Variants in STMN2 observed in about 807,000 individuals in gnomAD.
STMN2 encodes the protein stathmin 2, also known as stathmin-2.
STMN2 carries 2 observed loss-of-function variants against 24.1 expected under a neutral mutation model. That is an observed-to-expected ratio of 0.08 (90% CI 0.03 to 0.26). STMN2 has a LOEUF of 0.26. Ranked by LOEUF, STMN2 falls within the 10% of genes least tolerant of loss-of-function variation. STMN2 has a pLI of 1.00. For synonymous variants in STMN2, 83 were observed against 77.5 expected (o/e 1.07, Z -0.37); for missense variants, 114 against 213.6 (o/e 0.53, Z 2.91).
intron 1 of STMN2, among the ~76,000 whole-genome samples, chr8:79,624,453 C>CAAAAAAAAAAAAAA (rs1011493193): frequency 4.2e-4 from 19 of 45,116 alleles, no homozygotes; most frequent in Non-Finnish European, 6.4e-4. Context: ...GACTCCGTCT[C>CAAAAAAAAAAAAAA]AAAAAAAAAA....
At chr8:79,648,292 A>G (rs754347782) in intron 3 of STMN2, among the ~76,000 whole-genome samples, 8 of 152,310 alleles carry the variant, frequency 5.3e-5, no homozygotes, top group Non-Finnish European at 1.2e-4. Context: ...TTACTCTACA[A>G]TAAAGACATA....
chr8:79,659,596 T>G (rs1002190179), intron 4 of STMN2, among the ~76,000 whole-genome samples: 2 of 152,228 alleles, frequency 1.3e-5, no homozygotes, highest in Non-Finnish European at 2.9e-5. Context: ...GTGAGACAGT[T>G]AGTTTTGAAA....
intron 1 of STMN2, 69 bp from the exon 2 acceptor site, chr8:79,636,733 A>T: frequency 1.4e-6 from 2 of 1,408,366 alleles, no homozygotes; most frequent in Non-Finnish European, 2.0e-6. Context: ...TTATTATTCA[A>T]ATTAAAGGAA....
intron 4 of STMN2, among the ~76,000 whole-genome samples, chr8:79,656,848 C>T (rs1806383149): frequency 6.6e-6 from 1 of 152,040 alleles, no homozygotes; most frequent in Non-Finnish European, 1.5e-5. Flanking sequence ...TTACACATAC[C>T]CAAACACACG....
At chr8:79,617,752 C>T (rs1809417091) in intron 1 of STMN2, among the ~76,000 whole-genome samples, 1 of 152,236 alleles carries the variant, frequency 6.6e-6, no homozygotes, top group Non-Finnish European at 1.5e-5. Flanking sequence ...AAACATTTTC[C>T]CGCAATGGTG....
chr8:79,640,844 G>A (rs894133884), intron 2 of STMN2, among the ~76,000 whole-genome samples: 4 of 152,140 alleles, frequency 2.6e-5, no homozygotes, highest in East Asian at 1.9e-4. Context: ...TGGTTCTAAC[G>A]AAGCTCCTGT....
In STMN2 at chr8:79,611,191, C is replaced by T; in HGVS notation, c.-5C>T. ...GCCACTGCTCAGCGTCTGCACATCC[C>T]TACAATGGCTAAAACAGCAATGGGT... On this transcript the variant is annotated 5_prime_UTR_variant, in exon 1 of 5. Coordinates refer to ENST00000220876, the MANE Select transcript of STMN2 (RefSeq NM_007029.4). The T allele has an allele frequency of 6.2e-7, 1 of 1,614,112 alleles. No individual in the cohort carries two copies. Among genetic ancestry groups the T allele is most frequent in the Non-Finnish European group, 8.5e-7 (1 of 1,180,040 alleles).
rs556055897 is a variant in STMN2, at chr8:79,642,773, C to A, written c.288+1223C>A. Among the ~76,000 whole-genome samples, 5 of 151,472 alleles carry A rather than the reference C, an allele frequency of 3.3e-5. No individual in the cohort carries two copies. In the East Asian group the frequency reaches 9.7e-4, roughly 29 times the overall value. On this transcript the variant is annotated intron_variant, in intron 3 of 4. Transcript: ENST00000220876. Reference sequence around the variant, plus strand: ...ATTAAATTTTCTAAACAAGAAAACACTAATCTTTGTAGTTGAAAAAAAATC... The same window carrying A: ...ATTAAATTTTCTAAACAAGAAAACAATAATCTTTGTAGTTGAAAAAAAATC...
chr8:79,631,402 T>C, intron 1 of STMN2: 1 of 983,846 alleles, frequency 1.0e-6, no homozygotes, highest in Non-Finnish European at 1.2e-6. Context: ...AAAACCTCCC[T>C]GGCTTAGAAA....
At chr8:79,619,810 T>C (rs1381877574) in intron 1 of STMN2, among the ~76,000 whole-genome samples, 1 of 152,196 alleles carries the variant, frequency 6.6e-6, no homozygotes, top group Non-Finnish European at 1.5e-5. Flanking sequence ...TTACCAAAGT[T>C]GTTCTAGTCT....
intron 4 of STMN2, among the ~76,000 whole-genome samples, chr8:79,657,215 A>C (rs1806396387): frequency 6.6e-6 from 1 of 152,084 alleles, no homozygotes; most frequent in African/African-American, 2.4e-5. Flanking sequence ...ATAGTTCAAA[A>C]ATTTTCCATA....
chr8:79,611,827 CCG>C, intron 1 of STMN2: 1 of 617,690 alleles, frequency 1.6e-6, no homozygotes, highest in Non-Finnish European at 2.0e-6. Context: ...GGTAGGACCT[CCG>C]CTCCTTTGTT....
intron 4 of STMN2, among the ~76,000 whole-genome samples, chr8:79,660,894 A>G (rs569005042): frequency 1.3e-5 from 2 of 151,966 alleles, no homozygotes; most frequent in East Asian, 1.9e-4. Context: ...ATGAGAACAT[A>G]TGATAGTTAG....
At chr8:79,620,943 G>C in intron 1 of STMN2, 1 of 985,158 alleles carries the variant, frequency 1.0e-6, no homozygotes. Context: ...AACCACACTT[G>C]GAGTAGACCT....
At position 79,640,914 on chromosome 8, in the gene STMN2, T is replaced by C. The variant is rs192597034; in HGVS notation, c.116-464T>C. Among the ~76,000 whole-genome samples, 8 of 152,304 alleles carry C rather than the reference T, an allele frequency of 5.3e-5. No individual in the cohort carries two copies. In the East Asian group the frequency reaches 1.5e-3, roughly 29 times the overall value. On this transcript the variant is annotated intron_variant, in intron 2 of 4. Coordinates refer to ENST00000220876, the MANE Select transcript of STMN2 (RefSeq NM_007029.4). ...AATGGTGCATGCATATATACGCATA[T>C]CTAGATAATGATATCTCATTATATG...
At chr8:79,620,784 A>C (rs992862948) in intron 1 of STMN2, among the ~76,000 whole-genome samples, 1 of 152,118 alleles carries the variant, frequency 6.6e-6, no homozygotes, top group African/African-American at 2.4e-5. Context: ...TTCTTTAATT[A>C]AAATGCTTCC....
Position 79,636,782 on chromosome 8 carries a change from T to C in STMN2, c.20-20T>C, listed in dbSNP as rs2130348843. On this transcript the variant is annotated intron_variant, in intron 1 of 4. Coordinates refer to ENST00000220876, the MANE Select transcript of STMN2 (RefSeq NM_007029.4). ...ATTCAGAAAAAATGAAATATACTAATCTTCAGCTTTTCATTTCAGCCTACA... is the reference window on the plus strand; with the variant it reads ...ATTCAGAAAAAATGAAATATACTAACCTTCAGCTTTTCATTTCAGCCTACA... 1.2e-6 allele frequency: 2 copies of C among 1,605,602 alleles called. No homozygotes were observed. Among genetic ancestry groups the C allele is most frequent in the East Asian group, 4.5e-5 (2 of 44,800 alleles).
rs2130408238 is a variant in STMN2, at chr8:79,665,414, T to A, written c.*540T>A. ...TCACATTTGTTCGCTCATAATCTAC[T>A]TACTGCCTAAAAACTACAAAACCAG... On this transcript the variant is annotated 3_prime_UTR_variant, in exon 5 of 5. Transcript: ENST00000220876. 6.5e-6 allele frequency: 1 copy of A among 154,534 alleles called. No individual in the cohort carries two copies. The highest frequency in any genetic ancestry group is 1.5e-5 in the Non-Finnish European group (1 of 68,228). The allele number at this position is 154,534 out of a possible 1,614,324, so 9.6% of individuals were successfully genotyped here.
intron 3 of STMN2, among the ~76,000 whole-genome samples, chr8:79,647,425 T>C (rs577131027): frequency 2.5e-4 from 38 of 152,334 alleles, no homozygotes; most frequent in South Asian, 1.2e-3. Context: ...TGAAGGCCTC[T>C]TTGTGGGACT....
Sources: gnomAD v4.1 joint callset for allele counts (sites outside exome capture counted in the v4.1 genomes callset) on GRCh38, gnomAD v4.1.1 for gene constraint, MANE v1.5 for transcripts, NCBI Gene and HGNC (gene_info 2026-07-23, HGNC 2026-07-21) for gene names.